Variants in MAGI3 observed in about 807,000 individuals in gnomAD.
The protein encoded by MAGI3 is membrane associated guanylate kinase, WW and PDZ domain containing 3.
MAGI3 carries 43 observed loss-of-function variants against 121.8 expected under a neutral mutation model. The ratio of observed to expected loss-of-function variants is 0.35; its 90% CI spans 0.28 to 0.46. The LOEUF (loss-of-function observed/expected upper bound fraction) is 0.46, where lower values mean the gene tolerates loss of function less well. Ranked by LOEUF, MAGI3 falls within the 20% of genes least tolerant of loss-of-function variation. MAGI3 has a pLI of 1.00. For missense variants in MAGI3, 1,547 were observed against 1,797.3 expected (o/e 0.86, Z 2.52); for synonymous variants, 553 against 639.3 (o/e 0.86, Z 2.04).
chr1:113,681,420 T>C (rs971353702), intron 20 of MAGI3, 84 bp downstream of exon 20: 14 of 1,390,172 alleles, frequency 1.0e-5, no homozygotes, highest in Non-Finnish European at 1.2e-5. Context: ...TTGGAGAGGA[T>C]AGATATTTTA....
At chr1:113,473,843 C>T (rs968946579) in intron 1 of MAGI3, among the ~76,000 whole-genome samples, 1 of 152,214 alleles carries the variant, frequency 6.6e-6, no homozygotes, top group Admixed American at 6.5e-5. Context: ...AATCGCCACA[C>T]TGTCTTCCAC....
At chr1:113,490,407 A>G (rs951742008) in intron 1 of MAGI3, among the ~76,000 whole-genome samples, 1 of 152,216 alleles carries the variant, frequency 6.6e-6, no homozygotes, top group Non-Finnish European at 1.5e-5. Flanking sequence ...GAAAGGAAAG[A>G]CTGTTACCAG....
chr1:113,610,801 G>A (rs756268184), intron 6 of MAGI3, among the ~76,000 whole-genome samples: 6 of 152,084 alleles, frequency 3.9e-5, no homozygotes, highest in Non-Finnish European at 7.4e-5. Context: ...GGGCATGGTG[G>A]CACGCACCTT....
rs754724229 is a variant in MAGI3, at chr1:113,685,143, TTAAC to T, written c.*1135_*1138del. 2.6e-5 allele frequency: 4 copies of T among 152,372 alleles called. No individual in the cohort carries two copies. Among genetic ancestry groups the T allele is most frequent in the Non-Finnish European group, 5.9e-5 (4 of 68,040 alleles). 9.4% of individuals were successfully genotyped at this position (152,372 alleles called of 1,614,324 possible). A position where few individuals can be genotyped will look rare whatever the true frequency, so the allele number is the denominator to read the frequency against. On this transcript the variant is annotated 3_prime_UTR_variant, in exon 21 of 21. Coordinates refer to ENST00000307546, the MANE Select transcript of MAGI3 (RefSeq NM_001142782.2). ...GGATCTTATTTAACTTTTAGCTACATTAACTAACTTTCTTATTTAAAAACAAGAA... is the reference window on the plus strand; with the variant it reads ...GGATCTTATTTAACTTTTAGCTACATTAACTTTCTTATTTAAAAACAAGAA...
chr1:113,684,575 A>T lies in MAGI3; in HGVS notation c.*561A>T, dbSNP rs1648432700. 6.6e-6 allele frequency: 1 copy of T among 152,000 alleles called. No individual in the cohort carries two copies. Among genetic ancestry groups the T allele is most frequent in the Non-Finnish European group, 1.5e-5 (1 of 67,930 alleles). 9.4% of individuals were successfully genotyped at this position (152,000 alleles called of 1,614,324 possible). ...CTGATGATGTCCCACTTTAAAAATAAAACCCCCAAACATCACTACTTTAAG... is the reference window on the plus strand; with the variant it reads ...CTGATGATGTCCCACTTTAAAAATATAACCCCCAAACATCACTACTTTAAG... On this transcript the variant is annotated 3_prime_UTR_variant, in exon 21 of 21. Coordinates refer to ENST00000307546, the MANE Select transcript of MAGI3 (RefSeq NM_001142782.2).
intron 1 of MAGI3, among the ~76,000 whole-genome samples, chr1:113,531,023 A>G (rs1157304574): frequency 1.3e-5 from 2 of 152,246 alleles, no homozygotes; most frequent in African/African-American, 2.4e-5. Flanking sequence ...CATAGGGGCT[A>G]GAGACATAAA....
chr1:113,646,535 C>G lies in MAGI3; in HGVS notation c.2048C>G (p.Pro683Arg), dbSNP rs1197634756. ...NAGSLEAINE[P>R]IPQPMPFPPS... is the part of the protein sequence containing the mutation. ...GGAAGTTTGGAGGCCATAAATGAGC[C>G]TATTCCTCAGCCTATGCCTTTTCCA... Residue 683 changes from proline (P) to arginine (R), a missense_variant, in exon 12 of 21, where the codon CCT becomes CGT. Pro to Arg is a moderately radical substitution (Grantham distance 103). Transcript: ENST00000307546. 9 of 1,613,046 alleles carry G rather than the reference C, an allele frequency of 5.6e-6. No homozygotes were observed. The highest frequency in any genetic ancestry group is 7.6e-6 in the Non-Finnish European group (9 of 1,179,498).
At chr1:113,416,440 T>C (rs904613355) in intron 1 of MAGI3, among the ~76,000 whole-genome samples, 1 of 1,914 alleles carries the variant, frequency 5.2e-4, no homozygotes, top group African/African-American at 1.4e-3. Context: ...ATATTAATTA[T>C]ATATGATTTA....
intron 1 of MAGI3, among the ~76,000 whole-genome samples, chr1:113,466,200 A>G (rs917482366): frequency 3.3e-5 from 5 of 152,214 alleles, no homozygotes; most frequent in African/African-American, 9.6e-5. Flanking sequence ...GGATTTTATC[A>G]TAAAGGGATG....
intron 1 of MAGI3, among the ~76,000 whole-genome samples, chr1:113,545,832 T>C (rs1659511478): frequency 1.3e-5 from 2 of 150,426 alleles, no homozygotes; most frequent in African/African-American, 4.8e-5. Flanking sequence ...ATGTTAAGAA[T>C]GCTAACGTTA....
chr1:113,416,316 A>ATGTAATTAATTG (rs1474514722), intron 1 of MAGI3, among the ~76,000 whole-genome samples: 2 of 129,548 alleles, frequency 1.5e-5, no homozygotes, highest in African/African-American at 2.9e-5. Flanking sequence ...GTAATTAATT[A>ATGTAATTAATTG]TGTAATTAAT....
chr1:113,516,518 A>G (rs1657916536), intron 1 of MAGI3, among the ~76,000 whole-genome samples: 1 of 152,066 alleles, frequency 6.6e-6, no homozygotes, highest in African/African-American at 2.4e-5. Context: ...AAAAAAATAA[A>G]TAGAATAGTA....
rs1647682727 is a variant in MAGI3 at position 113,673,417 on chromosome 1, C to T, written c.3141C>T (p.Ile1047=). 1 of 1,613,104 alleles carries T rather than the reference C, an allele frequency of 6.2e-7. No individual in the cohort carries two copies. ...GGKEYNMGLF[I]LRLAEDGPAI... Reference sequence around the variant, plus strand: ...AGGAGTACAACATGGGGCTGTTCATCCTTCGTCTTGCTGAAGATGGTCCTG... The same window carrying T: ...AGGAGTACAACATGGGGCTGTTCATTCTTCGTCTTGCTGAAGATGGTCCTG... Residue 1047 remains isoleucine, a synonymous_variant, in exon 19 of 21, where the codon ATC becomes ATT. Transcript: ENST00000307546.
chr1:113,636,085 AT>A (rs1652000698), intron 9 of MAGI3, among the ~76,000 whole-genome samples: 2 of 151,932 alleles, frequency 1.3e-5, no homozygotes, highest in Admixed American at 6.6e-5. Flanking sequence ...CCCTTTTATC[AT>A]TTTTTATTGC....
intron 4 of MAGI3, among the ~76,000 whole-genome samples, chr1:113,587,466 G>T (rs567782633): frequency 5.9e-5 from 9 of 152,332 alleles, no homozygotes; most frequent in Non-Finnish European, 5.9e-5. Flanking sequence ...AGAGTGCTGG[G>T]ATTACAGGCG....
At chr1:113,429,245 C>T (rs1022193139) in intron 1 of MAGI3, among the ~76,000 whole-genome samples, 3 of 152,200 alleles carry the variant, frequency 2.0e-5, no homozygotes, top group Non-Finnish European at 2.9e-5. Flanking sequence ...TAGCTGCATA[C>T]GTGACAACAA....
intron 1 of MAGI3, among the ~76,000 whole-genome samples, chr1:113,470,334 C>G (rs899134324): frequency 6.6e-6 from 1 of 152,012 alleles, no homozygotes; most frequent in East Asian, 1.9e-4. Context: ...TCTGAATTGC[C>G]ACCACCACCA....
At chr1:113,586,768 A>T (rs551864847) in intron 4 of MAGI3, among the ~76,000 whole-genome samples, 1 of 152,286 alleles carries the variant, frequency 6.6e-6, no homozygotes, top group East Asian at 1.9e-4. Context: ...ATGGGAATTT[A>T]TATGTTCTTG....
chr1:113,594,943 A>G (rs1300629042), intron 6 of MAGI3, among the ~76,000 whole-genome samples: 1 of 152,226 alleles, frequency 6.6e-6, no homozygotes, highest in Non-Finnish European at 1.5e-5. Flanking sequence ...TTAATTTAGT[A>G]TACATTACAG....
Sources: allele counts gnomAD v4.1 joint callset (sites outside exome capture counted in the v4.1 genomes callset), GRCh38; gene constraint gnomAD v4.1.1; transcripts MANE v1.5; gene names NCBI Gene and HGNC (gene_info 2026-07-23, HGNC 2026-07-21).